Variants in ABCB10 observed in about 807,000 individuals in gnomAD.
ABCB10 encodes the protein ATP-binding cassette sub-family B member 10, mitochondrial.
A neutral mutation model predicts 65.4 loss-of-function variants in ABCB10; 54 were observed. That is an observed-to-expected ratio of 0.83 (90% CI 0.66 to 1.04). The LOEUF (loss-of-function observed/expected upper bound fraction) is 1.04. Among genes scored for constraint, ABCB10 ranks in the 50% least tolerant of loss-of-function variants. ABCB10 has a pLI of 0.00. For synonymous variants in ABCB10, 418 were observed against 406.5 expected (o/e 1.03, Z -0.34); for missense variants, 846 against 976.6 (o/e 0.87, Z 1.78).
chr1:229,518,261 T>C lies in ABCB10; in HGVS notation c.2135A>G (p.Tyr712Cys), dbSNP rs144991345. ...TGAAAGCAGCTCTTCATGTTTTCCA[T>C]ATTCAGTAATTTTTCCTTGGTCAAG... ...AVLDQGKITEYGKHEELLSKP... is the reference protein window; with the variant it reads ...AVLDQGKITECGKHEELLSKP... Residue 712 changes from tyrosine to cysteine, a missense_variant, in exon 13 of 13, where the codon TAT (tyrosine) becomes TGT (cysteine). Coordinates refer to ENST00000344517, the MANE Select transcript of ABCB10 (RefSeq NM_012089.3). 676 of 1,614,206 alleles carry C rather than the reference T, an allele frequency of 4.2e-4. 4 individuals are homozygous for C. The African/African-American group carries it at 7.4e-3, about 18-fold the overall frequency.
chr1:229,540,096 G>C (rs1262305594), intron 5 of ABCB10, among the ~76,000 whole-genome samples: 1 of 152,210 alleles, frequency 6.6e-6, no homozygotes, highest in Admixed American at 6.5e-5. Flanking sequence ...TGCCTCTGAA[G>C]TTCTTTTCAG....
chr1:229,531,614 A>C, intron 7 of ABCB10, 22 bp downstream of exon 7: 1 of 1,611,148 alleles, frequency 6.2e-7, no homozygotes, highest in Non-Finnish European at 8.5e-7. Context: ...AATCCTAGCA[A>C]AGAAACAATT....
chr1:229,554,234 A>G (rs1663189076), intron 1 of ABCB10, among the ~76,000 whole-genome samples: 1 of 152,112 alleles, frequency 6.6e-6, no homozygotes, highest in African/African-American at 2.4e-5. Context: ...TGGGTAGAGA[A>G]TGAGTGAGGA....
At chr1:229,530,864 C>T (rs547200089) in intron 7 of ABCB10, among the ~76,000 whole-genome samples, 111 of 152,268 alleles carry the variant, frequency 7.3e-4, no homozygotes, top group African/African-American at 2.6e-3. Flanking sequence ...TATGATGAAA[C>T]GGGGAGCGCT....
chr1:229,525,180 C>T (rs1662410346), intron 10 of ABCB10, among the ~76,000 whole-genome samples: 1 of 152,056 alleles, frequency 6.6e-6, no homozygotes, highest in South Asian at 2.1e-4. Flanking sequence ...TACTGTCTGG[C>T]TCTTTAAAGA....
intron 1 of ABCB10, chr1:229,549,867 T>TA (rs1162226180): frequency 1.1e-5 from 2 of 188,872 alleles, no homozygotes; most frequent in East Asian, 2.7e-4. Context: ...GCTGTCTAGT[T>TA]AAAGCCCTTG....
intron 4 of ABCB10, 89 bp downstream of exon 4, chr1:229,542,148 C>A: frequency 8.2e-6 from 12 of 1,454,860 alleles, no homozygotes; most frequent in African/African-American, 1.4e-5. Context: ...CATTGAAAAA[C>A]CTAAGTACAT....
Position 229,526,063 on chromosome 1 carries a change from A to T in ABCB10, c.1779T>A (p.Asp593Glu). ...SIAENIAYGA[D>E]DPSSVTAEEI... ...CCTCAGCGGTCACAGAGGAAGGGTC[A>T]TCAGCACCATAAGCAATGTTCTCAG... Residue 593 changes from aspartate to glutamate, a missense_variant, in exon 10 of 13, where the codon GAT (aspartate) becomes GAA (glutamate). Asp to Glu is a conservative substitution (Grantham distance 45, BLOSUM62 2). Transcript: ENST00000344517. 6.2e-7 allele frequency: 1 copy of T among 1,614,272 alleles called. No homozygotes were observed. The highest frequency in any genetic ancestry group is 1.3e-5 in the African/African-American group (1 of 75,080).
intron 9 of ABCB10, among the ~76,000 whole-genome samples, chr1:229,526,789 G>A (rs1433646355): frequency 1.3e-5 from 2 of 152,220 alleles, no homozygotes; most frequent in African/African-American, 4.8e-5. Flanking sequence ...TTAACACTCT[G>A]CTTTGAAATC....
intron 4 of ABCB10, among the ~76,000 whole-genome samples, chr1:229,541,983 A>G (rs939769377): frequency 6.6e-6 from 1 of 152,050 alleles, no homozygotes; most frequent in African/African-American, 2.4e-5. Context: ...AAAGAAAGAA[A>G]AGAAATAGTG....
chr1:229,538,205 T>C (rs1345684424), intron 6 of ABCB10, among the ~76,000 whole-genome samples: 2 of 152,206 alleles, frequency 1.3e-5, no homozygotes, highest in Non-Finnish European at 2.9e-5. Context: ...AGTTGTGAAT[T>C]TGTCCGTTGT....
intron 1 of ABCB10, among the ~76,000 whole-genome samples, chr1:229,550,946 A>AT (rs781751253): frequency 2.6e-5 from 4 of 152,114 alleles, no homozygotes; most frequent in Non-Finnish European, 1.5e-5. Flanking sequence ...AGACAAATGC[A>AT]TTTTTTTAAA....
chr1:229,529,357 T>TCAATGGC (rs1662524295), intron 8 of ABCB10, among the ~76,000 whole-genome samples: 1 of 131,924 alleles, frequency 7.6e-6, no homozygotes, highest in South Asian at 2.5e-4. Context: ...CAAAATAGTT[T>TCAATGGC]CAATGGAACA....
intron 2 of ABCB10, among the ~76,000 whole-genome samples, chr1:229,548,964 G>A (rs1663035463): frequency 2.6e-5 from 4 of 152,106 alleles, no homozygotes; most frequent in Admixed American, 2.0e-4. Flanking sequence ...CCCAGCCCGA[G>A]GGGCTTATTT....
At chr1:229,519,888 G>A (rs1558117109) in intron 11 of ABCB10, among the ~76,000 whole-genome samples, 1 of 152,184 alleles carries the variant, frequency 6.6e-6, no homozygotes, top group Non-Finnish European at 1.5e-5. Flanking sequence ...CACTCTGGCA[G>A]GCTGAGGGGG....
intron 3 of ABCB10, among the ~76,000 whole-genome samples, chr1:229,546,528 T>C (rs559142809): frequency 2.0e-4 from 30 of 152,152 alleles, no homozygotes; most frequent in Non-Finnish European, 3.2e-4. Context: ...ATTAATTACA[T>C]CTTGAGATGA....
chr1:229,530,613 T>C (rs1020735419), intron 7 of ABCB10, among the ~76,000 whole-genome samples: 4 of 152,178 alleles, frequency 2.6e-5, no homozygotes, highest in African/African-American at 9.7e-5. Flanking sequence ...TCCAAGGTAC[T>C]ATATACGTAG....
chr1:229,531,372 G>A (rs1480707757), intron 7 of ABCB10, among the ~76,000 whole-genome samples: 3 of 152,174 alleles, frequency 2.0e-5, no homozygotes, highest in Non-Finnish European at 4.4e-5. Context: ...GTAACACCCA[G>A]ATGGAGGGAG....
In ABCB10 at chr1:229,547,703, T is replaced by C. The variant is rs1375340477; in HGVS notation, c.719-2A>G. 3 of 1,614,076 alleles carry C rather than the reference T, an allele frequency of 1.9e-6. No homozygotes were observed. Among genetic ancestry groups the C allele is most frequent in the Non-Finnish European group, 2.5e-6 (3 of 1,179,930 alleles). ...TCAGCCTATTCACAATGCGCTGACCTGCAAAAGCAAACACGAACAGGCTCA... is the reference window on the plus strand; with the variant it reads ...TCAGCCTATTCACAATGCGCTGACCCGCAAAAGCAAACACGAACAGGCTCA... On this transcript the variant is annotated splice_acceptor_variant, in intron 2 of 12. Transcript: ENST00000344517. LOFTEE classifies it high-confidence loss of function.
Sources: gnomAD v4.1 joint callset for allele counts (sites outside exome capture counted in the v4.1 genomes callset) on GRCh38, gnomAD v4.1.1 for gene constraint, MANE v1.5 for transcripts, NCBI Gene and HGNC (gene_info 2026-07-23, HGNC 2026-07-21) for gene names.